The following RNF6 variants were observed in gnomAD, a reference collection of about 807,000 sequenced individuals.
RNF6 encodes ring finger protein 6, also known as E3 ubiquitin-protein ligase RNF6.
RNF6 carries 21 observed loss-of-function variants against 50.1 expected under a neutral mutation model. The observed-to-expected ratio is 0.42, with a 90% confidence interval of 0.30 to 0.60. RNF6 has a LOEUF of 0.60. Among genes scored for constraint, RNF6 ranks in the 20% least tolerant of loss-of-function variants. RNF6 has a pLI of 0.20. For synonymous variants in RNF6, 255 were observed against 291.8 expected, an observed-to-expected ratio of 0.87 and a Z score of 1.29; for missense variants, 698 against 838.2, an observed-to-expected ratio of 0.83 and a Z score of 2.07.
Position 26,165,498 on chromosome 13 carries a change from C to T in RNF6, n.769-33047G>A, listed in dbSNP as rs1335100886. 1.3e-5 allele frequency among the ~76,000 whole-genome samples: 2 copies of T among 152,190 alleles called. 1 individual carries two copies. Among genetic ancestry groups the T allele is most frequent in the South Asian group, 4.1e-4 (2 of 4,832 alleles). Reference sequence around the variant, plus strand: ...GACCCCACAATTGTAGATCCACTGACAGCTTGCACTGTGCACCTGGAAAAG... The same window carrying T: ...GACCCCACAATTGTAGATCCACTGATAGCTTGCACTGTGCACCTGGAAAAG... On this transcript the variant is annotated intron_variant and non_coding_transcript_variant, in intron 5 of 5. Transcript: ENST00000468480.
At chr13:26,183,357 T>C (rs1384422683) in intron 5 of RNF6, among the ~76,000 whole-genome samples, 1 of 152,212 alleles carries the variant, frequency 6.6e-6, no homozygotes, top group East Asian at 1.9e-4. Context: ...AGCCTCACAA[T>C]TTAGAAGCGC....
At chr13:26,166,563 G>A (rs1459268903) in intron 5 of RNF6, among the ~76,000 whole-genome samples, 2 of 152,146 alleles carry the variant, frequency 1.3e-5, no homozygotes, top group Non-Finnish European at 2.9e-5. Flanking sequence ...ACCAACAACA[G>A]CCAAGCTGAG....
At chr13:26,148,166 C>T (rs1383682573) in intron 5 of RNF6, among the ~76,000 whole-genome samples, 2 of 152,046 alleles carry the variant, frequency 1.3e-5, no homozygotes, top group African/African-American at 4.8e-5. Context: ...CACGGAAGCA[C>T]CATACTTTAA....
intron 5 of RNF6, among the ~76,000 whole-genome samples, chr13:26,178,641 T>G (rs1052393789): frequency 5.7e-5 from 8 of 140,578 alleles, no homozygotes; most frequent in East Asian, 4.0e-4. Flanking sequence ...TGTGTGTGTG[T>G]GGTGAGAAAG....
At chr13:26,164,485 T>C (rs1356136241) in intron 5 of RNF6, among the ~76,000 whole-genome samples, 1 of 152,184 alleles carries the variant, frequency 6.6e-6, no homozygotes, top group African/African-American at 2.4e-5. Context: ...CTTTTTAATA[T>C]AGTATTGTAT....
In RNF6 at chr13:26,214,643, A is replaced by C. The variant is rs1304749578; in HGVS notation, c.1239T>G (p.Asp413Glu). ...VRRIRPGENR[D>E]RDSIANRTRS... is the part of the protein sequence containing the mutation. ...GAGTTCTATTTGCAATACTATCCCG[A>C]TCTCTATTTTCTCCAGGACGGATCC... The change falls in exon 5 of 5, where the codon GAT becomes GAG. Residue 413 changes from aspartate to glutamate, a missense_variant. Transcript: ENST00000381588. 2.5e-6 allele frequency: 4 copies of C among 1,614,088 alleles called. No individual in the cohort carries two copies. The highest frequency in any genetic ancestry group is 3.4e-6 in the Non-Finnish European group (4 of 1,180,018).
At position 26,215,020 on chromosome 13, in the gene RNF6, T is replaced by C; in HGVS notation, c.862A>G (p.Asn288Asp). Reference sequence around the variant, plus strand: ...TGGTTTGTATTCCTCACTGTAACATTACTTCTAGCCCCATTTTCCCAAACA... The same window carrying C: ...TGGTTTGTATTCCTCACTGTAACATCACTTCTAGCCCCATTTTCCCAAACA... ...AHVWENGARS[N>D]VTVRNTNQRL... is the part of the protein sequence containing the mutation. The change falls in exon 5 of 5, where the codon AAT becomes GAT. Residue 288 changes from asparagine to aspartate, a missense_variant. Asn to Asp is a conservative substitution (Grantham distance 23). Coordinates refer to ENST00000381588, the MANE Select transcript of RNF6 (RefSeq NM_005977.4). 1 of 1,614,246 alleles carries C rather than the reference T, an allele frequency of 6.2e-7. No homozygotes were observed. Among genetic ancestry groups the C allele is most frequent in the Admixed American group, 1.7e-5 (1 of 60,024 alleles).
chr13:26,161,756 G>A (rs951247558), intron 5 of RNF6, among the ~76,000 whole-genome samples: 4 of 152,092 alleles, frequency 2.6e-5, no homozygotes, highest in South Asian at 2.1e-4. Flanking sequence ...TTATAAAGGC[G>A]TGTCCTGGAA....
Position 26,143,593 on chromosome 13 carries a change from G to A in RNF6, n.769-11142C>T, listed in dbSNP as rs532708325. Among the ~76,000 whole-genome samples, 5 of 152,278 alleles carry A rather than the reference G, an allele frequency of 3.3e-5. No homozygotes were observed. In the East Asian group the frequency reaches 9.6e-4, roughly 29 times the overall value. ...AGTACTATCTTCATTTCCACCACTT[G>A]GTTCATGGACCTGTGACTCCTGGCT... On this transcript the variant is annotated intron_variant and non_coding_transcript_variant, in intron 5 of 5. Coordinates refer to the RNF6 transcript ENST00000468480.
At chr13:26,197,260 G>T (rs913504504) in intron 5 of RNF6, among the ~76,000 whole-genome samples, 3 of 151,900 alleles carry the variant, frequency 2.0e-5, no homozygotes, top group African/African-American at 2.4e-5. Context: ...AACACCTGGG[G>T]AAAGGTCCCT....
chr13:26,215,110 G>A lies in RNF6; in HGVS notation c.772C>T (p.His258Tyr), dbSNP rs1194675500. 6.2e-7 allele frequency: 1 copy of A among 1,614,192 alleles called. No individual in the cohort carries two copies. Among genetic ancestry groups the A allele is most frequent in the Admixed American group, 1.7e-5 (1 of 60,010 alleles). The change falls in exon 5 of 5, where the codon CAC (histidine) becomes TAC (tyrosine). Residue 258 changes from histidine to tyrosine, a missense_variant. Coordinates refer to ENST00000381588, the MANE Select transcript of RNF6 (RefSeq NM_005977.4). The stretch of plus-strand genomic sequence containing the variant: ...TCACTACCACCTGATTGGTTTGTGT[G>A]ACTACTGAAATTAGTGCGTGAAGCG... ...ANASRTNFSS[H>Y]TNQSGGSELR...
intron 5 of RNF6, among the ~76,000 whole-genome samples, chr13:26,190,105 A>G (rs1868398386): frequency 6.6e-6 from 1 of 152,054 alleles, no homozygotes; most frequent in African/African-American, 2.4e-5. Context: ...TGCCCTTTCT[A>G]CCCTTTAGAA....
chr13:26,206,281 C>A (rs995975197), intron 5 of RNF6, among the ~76,000 whole-genome samples: 3 of 151,514 alleles, frequency 2.0e-5, no homozygotes, highest in African/African-American at 7.3e-5. Flanking sequence ...AGACAAAGAG[C>A]ACACAGCCCA....
chr13:26,149,386 G>A (rs1449997996), intron 5 of RNF6, among the ~76,000 whole-genome samples: 1 of 152,126 alleles, frequency 6.6e-6, no homozygotes, highest in East Asian at 1.9e-4. Flanking sequence ...AGGAGATTGA[G>A]ACCATCCTGG....
intron 5 of RNF6, among the ~76,000 whole-genome samples, chr13:26,152,333 C>T (rs375595784): frequency 6.6e-6 from 1 of 152,228 alleles, no homozygotes; most frequent in East Asian, 1.9e-4. Flanking sequence ...CGCGTTTGCT[C>T]ACGCTGCGCG....
chr13:26,184,130 C>A (rs1873400362), intron 5 of RNF6, among the ~76,000 whole-genome samples: 2 of 148,682 alleles, frequency 1.3e-5, no homozygotes, highest in South Asian at 4.2e-4. Flanking sequence ...TAGGTTCACG[C>A]CATTCTCCTG....
chr13:26,186,809 G>T (rs1873570049), intron 5 of RNF6, among the ~76,000 whole-genome samples: 1 of 148,446 alleles, frequency 6.7e-6, no homozygotes, highest in African/African-American at 2.5e-5. Context: ...ACGGAGTCTC[G>T]TTCTGTCGCC....
intron 5 of RNF6, among the ~76,000 whole-genome samples, chr13:26,178,049 C>T (rs1369715364): frequency 6.6e-6 from 1 of 152,046 alleles, no homozygotes; most frequent in Non-Finnish European, 1.5e-5. Context: ...TTTAGCCAGG[C>T]ATGGTGGCAG....
At chr13:26,207,956 G>A (rs1219623887), downstream of RNF6, among the ~76,000 whole-genome samples, 3 of 152,230 alleles carry the variant, frequency 2.0e-5, no homozygotes, top group Non-Finnish European at 4.4e-5. Flanking sequence ...AGAAGCCATT[G>A]TGGGGAAGAT....
Sources: gnomAD v4.1 joint callset for allele counts (sites outside exome capture counted in the v4.1 genomes callset) on GRCh38, gnomAD v4.1.1 for gene constraint, MANE v1.5 for transcripts, NCBI Gene and HGNC (gene_info 2026-07-23, HGNC 2026-07-21) for gene names.